Variants in NTRK2 observed in about 807,000 individuals in gnomAD.
NTRK2 encodes BDNF/NT-3 growth factors receptor.
In NTRK2, 13 loss-of-function variants were observed where a neutral mutation model predicts 94.5. The observed-to-expected ratio is 0.14, with a 90% confidence interval of 0.09 to 0.22. NTRK2 has a LOEUF of 0.22. Among genes scored for constraint, NTRK2 ranks in the 10% least tolerant of loss-of-function variants. The pLI, the probability that NTRK2 is intolerant of heterozygous loss-of-function variation, is 1.00. For synonymous variants in NTRK2, 372 were observed against 407.4 expected, an observed-to-expected ratio of 0.91 and a Z score of 1.05; for missense variants, 639 against 1,071.2, an observed-to-expected ratio of 0.60 and a Z score of 5.63.
intron 4 of NTRK2, among the ~76,000 whole-genome samples, chr9:84,703,958 A>C (rs2060886710): frequency 6.6e-6 from 1 of 152,160 alleles, no homozygotes; most frequent in Non-Finnish European, 1.5e-5. Context: ...GTAATTAATG[A>C]CCTCAGTGGT....
chr9:84,751,786 A>G (rs2064639889), intron 11 of NTRK2, among the ~76,000 whole-genome samples, 200 bp from the exon 12 acceptor site: 1 of 152,216 alleles, frequency 6.6e-6, no homozygotes, highest in Non-Finnish European at 1.5e-5. Flanking sequence ...AGTAGGCATA[A>G]TAATAGATCT....
At chr9:84,889,787 T>A (rs2076542194) in intron 14 of NTRK2, among the ~76,000 whole-genome samples, 1 of 152,224 alleles carries the variant, frequency 6.6e-6, no homozygotes, top group Admixed American at 6.5e-5. Context: ...TATTCAGTCT[T>A]CACTAGGATT....
intron 12 of NTRK2, among the ~76,000 whole-genome samples, chr9:84,797,650 AAT>A (rs1345859676): frequency 1.7e-4 from 8 of 46,348 alleles, no homozygotes; most frequent in Admixed American, 1.6e-3. Flanking sequence ...ATACTATAAT[AAT>A]ATATATATTA....
At chr9:85,006,902 C>T (rs1831030715) in intron 17 of NTRK2, among the ~76,000 whole-genome samples, 1 of 152,222 alleles carries the variant, frequency 6.6e-6, no homozygotes, top group Admixed American at 6.5e-5. Context: ...GTGCCCGCAG[C>T]CCCACCAGCA....
At chr9:84,702,776 G>A (rs1227817797) in intron 4 of NTRK2, among the ~76,000 whole-genome samples, 2 of 152,180 alleles carry the variant, frequency 1.3e-5, no homozygotes, top group Non-Finnish European at 2.9e-5. Context: ...TAGTGGAATC[G>A]AAAGAAGCTG....
intron 12 of NTRK2, among the ~76,000 whole-genome samples, chr9:84,818,174 G>A (rs1421919806): frequency 6.6e-6 from 1 of 152,176 alleles, no homozygotes; most frequent in Non-Finnish European, 1.5e-5. Flanking sequence ...GGAGCCATGA[G>A]GGACGTGCCT....
intron 12 of NTRK2, among the ~76,000 whole-genome samples, chr9:84,787,006 A>G (rs1459793444): frequency 1.3e-5 from 2 of 152,090 alleles, no homozygotes; most frequent in Non-Finnish European, 2.9e-5. Flanking sequence ...ATTAAAAAAA[A>G]TGACCAGTCA....
At chr9:84,808,928 G>A (rs2071429696) in intron 12 of NTRK2, among the ~76,000 whole-genome samples, 1 of 152,188 alleles carries the variant, frequency 6.6e-6, no homozygotes. Flanking sequence ...AAGATGGAGA[G>A]TCTACATGGT....
At chr9:84,805,386 T>G (rs571693630) in intron 12 of NTRK2, among the ~76,000 whole-genome samples, 1 of 152,336 alleles carries the variant, frequency 6.6e-6, no homozygotes, top group East Asian at 1.9e-4. Context: ...AAAGTGAGAA[T>G]TAGAATAAAC....
At position 84,978,414 on chromosome 9, in the gene NTRK2, C is replaced by T. The variant is rs577484170; in HGVS notation, c.2172+22897C>T. On this transcript the variant is annotated intron_variant, in intron 17 of 18. Transcript: ENST00000277120. ...TCACAACATTCCCTTAAACCAAAGCCAAATTTAGAAAAAGGCTCTAACTCT... is the reference window on the plus strand; with the variant it reads ...TCACAACATTCCCTTAAACCAAAGCTAAATTTAGAAAAAGGCTCTAACTCT... Among the ~76,000 whole-genome samples the T allele has an allele frequency of 7.9e-5, 12 of 152,224 alleles. No homozygotes were observed. In the South Asian group the frequency reaches 2.5e-3, roughly 32 times the overall value.
intron 12 of NTRK2, among the ~76,000 whole-genome samples, chr9:84,755,336 T>C (rs1332514607): frequency 6.6e-6 from 1 of 152,178 alleles, no homozygotes; most frequent in African/African-American, 2.4e-5. Context: ...CTTTATCTAC[T>C]GAGTGCCTAG....
chr9:84,680,060 C>T (rs1462720494), intron 2 of NTRK2, among the ~76,000 whole-genome samples: 1 of 152,040 alleles, frequency 6.6e-6, no homozygotes, highest in East Asian at 1.9e-4. Flanking sequence ...CTTTCATGGA[C>T]ATCAAATCTT....
At chr9:84,979,128 T>A (rs891894576) in intron 17 of NTRK2, among the ~76,000 whole-genome samples, 1 of 152,224 alleles carries the variant, frequency 6.6e-6, no homozygotes, top group Non-Finnish European at 1.5e-5. Flanking sequence ...AGGAGGCATT[T>A]TGACTTTCAA....
intron 12 of NTRK2, chr9:84,812,475 T>G: frequency 9.5e-7 from 1 of 1,050,954 alleles, no homozygotes; most frequent in Middle Eastern, 4.3e-4. Flanking sequence ...TTTTCTGAAT[T>G]CCCATTTTCT....
intron 5 of NTRK2, among the ~76,000 whole-genome samples, chr9:84,709,768 C>A (rs1659401): frequency 6.6e-6 from 1 of 152,084 alleles, no homozygotes; most frequent in East Asian, 1.9e-4. Flanking sequence ...CTGAGTATTA[C>A]AAATAAGCAT....
Position 85,024,886 on chromosome 9 carries a change from C to G in NTRK2, c.*3449C>G. On this transcript the variant is annotated 3_prime_UTR_variant, in exon 19 of 19. Coordinates refer to ENST00000277120, the MANE Select transcript of NTRK2 (RefSeq NM_006180.6). ...ATACATGTGTTCACATCAGCGCTACCTGTGATGTTTTCATGTATTTATGTA... is the reference window on the plus strand; with the variant it reads ...ATACATGTGTTCACATCAGCGCTACGTGTGATGTTTTCATGTATTTATGTA... 1 of 232,864 alleles carries G rather than the reference C, an allele frequency of 4.3e-6. No homozygotes were observed. The highest frequency in any genetic ancestry group is 8.5e-6 in the Non-Finnish European group (1 of 117,860). 14.4% of individuals were successfully genotyped at this position (232,864 alleles called of 1,614,324 possible). A position where few individuals can be genotyped will look rare whatever the true frequency, so the allele number is the denominator to read the frequency against.
intron 14 of NTRK2, among the ~76,000 whole-genome samples, chr9:84,894,540 A>C (rs929933000): frequency 6.6e-6 from 1 of 152,086 alleles, no homozygotes; most frequent in Non-Finnish European, 1.5e-5. Context: ...CCTCCACCTA[A>C]ATATTCTATC....
intron 17 of NTRK2, among the ~76,000 whole-genome samples, chr9:84,983,155 T>C (rs1827864123): frequency 6.6e-6 from 1 of 152,220 alleles, no homozygotes; most frequent in African/African-American, 2.4e-5. Flanking sequence ...CTACTTGCTC[T>C]TTAACAGCGT....
intron 2 of NTRK2, among the ~76,000 whole-genome samples, chr9:84,686,671 A>G (rs2059734505): frequency 6.6e-6 from 1 of 152,222 alleles, no homozygotes; most frequent in Non-Finnish European, 1.5e-5. Context: ...TTAATGTACC[A>G]TCTGATACAT....
Sources: allele counts gnomAD v4.1 joint callset (sites outside exome capture counted in the v4.1 genomes callset), GRCh38; gene constraint gnomAD v4.1.1; transcripts MANE v1.5; gene names NCBI Gene and HGNC (gene_info 2026-07-23, HGNC 2026-07-21).